The following CBL variants were observed in gnomAD, a reference collection of about 807,000 sequenced individuals.
CBL encodes Cbl proto-oncogene.
CBL carries 45 observed loss-of-function variants against 96.9 expected under a neutral mutation model. That is an observed-to-expected ratio of 0.46 (90% CI 0.37 to 0.60). The LOEUF is 0.60. Ranked by LOEUF, CBL falls within the 20% of genes least tolerant of loss-of-function variation. The probability of loss-of-function intolerance (pLI) is 0.00; values close to 1 mark genes in which losing one functional copy is unlikely to be tolerated. For missense variants in CBL, 1,024 were observed against 1,143.5 expected (o/e 0.90, Z 1.51); for synonymous variants, 420 against 426.8 (o/e 0.98, Z 0.20).
At chr11:119,237,792 T>A (rs1170294274) in intron 2 of CBL, among the ~76,000 whole-genome samples, 2 of 152,216 alleles carry the variant, frequency 1.3e-5, no homozygotes, top group Admixed American at 1.3e-4. Flanking sequence ...TGTAGCTTTG[T>A]ACTAAAGCTT....
At chr11:119,287,484 A>G (rs1321988955) in intron 11 of CBL, among the ~76,000 whole-genome samples, 2 of 152,202 alleles carry the variant, frequency 1.3e-5, no homozygotes, top group Non-Finnish European at 2.9e-5. Context: ...TAGCCTAATT[A>G]GTGAGTGTGG....
intron 1 of CBL, among the ~76,000 whole-genome samples, chr11:119,218,880 G>A (rs1021604668): frequency 2.6e-5 from 4 of 152,154 alleles, no homozygotes; most frequent in Admixed American, 2.6e-4. Flanking sequence ...CATATTCCGA[G>A]GTTACTAAGA....
At chr11:119,214,531 G>A (rs1022898839) in intron 1 of CBL, among the ~76,000 whole-genome samples, 1 of 152,220 alleles carries the variant, frequency 6.6e-6, no homozygotes, top group African/African-American at 2.4e-5. Context: ...TTACAGGTGT[G>A]AGCCACCGTG....
chr11:119,225,066 G>A (rs1949447074), intron 1 of CBL, among the ~76,000 whole-genome samples: 2 of 151,756 alleles, frequency 1.3e-5, no homozygotes, highest in Non-Finnish European at 2.9e-5. Flanking sequence ...GTGTGTGTGT[G>A]TGTGTGTGCG....
intron 1 of CBL, among the ~76,000 whole-genome samples, chr11:119,224,775 C>T (rs1190009928): frequency 1.3e-5 from 2 of 151,264 alleles, no homozygotes; most frequent in African/African-American, 2.4e-5. Flanking sequence ...AAAATATTTA[C>T]GATTCATTAA....
chr11:119,242,908 A>G (rs1206756720), intron 2 of CBL, among the ~76,000 whole-genome samples: 1 of 152,120 alleles, frequency 6.6e-6, no homozygotes, highest in Admixed American at 6.6e-5. Context: ...GTGCAGGGAC[A>G]TGGGTATTGC....
In CBL at chr11:119,297,043, A is replaced by T; in HGVS notation, c.2153+9A>T. 1 of 1,435,516 alleles carries T rather than the reference A, an allele frequency of 7.0e-7. No individual in the cohort carries two copies. Among genetic ancestry groups the T allele is most frequent in the Non-Finnish European group, 9.8e-7 (1 of 1,016,564 alleles). 88.9% of individuals were successfully genotyped at this position (1,435,516 alleles called of 1,614,324 possible). A position where few individuals can be genotyped will look rare whatever the true frequency, so the allele number is the denominator to read the frequency against. ...ACATCCCAGAGTTCACGGTAGGTTC[A>T]CAACAACCCTTTTTGGGCCCTATAC... On this transcript the variant is annotated intron_variant, in intron 13 of 15. Transcript: ENST00000264033.
intron 1 of CBL, among the ~76,000 whole-genome samples, chr11:119,221,788 A>T (rs949303974): frequency 6.6e-6 from 1 of 151,708 alleles, no homozygotes; most frequent in African/African-American, 2.4e-5. Context: ...AAAAAGCTTC[A>T]CTATATATTT....
chr11:119,216,307 C>A (rs1209101360), intron 1 of CBL, among the ~76,000 whole-genome samples: 2 of 152,136 alleles, frequency 1.3e-5, no homozygotes, highest in Non-Finnish European at 2.9e-5. Context: ...GGGATCCTAA[C>A]TCCTGCCCTC....
chr11:119,252,698 A>T (rs570019325), intron 2 of CBL, among the ~76,000 whole-genome samples: 168 of 152,044 alleles, frequency 1.1e-3, no homozygotes, highest in African/African-American at 3.7e-3. Flanking sequence ...TCTACCAAAA[A>T]TACAAACAAA....
At chr11:119,295,628 G>A (rs1006507538) in intron 12 of CBL, among the ~76,000 whole-genome samples, 1 of 152,200 alleles carries the variant, frequency 6.6e-6, no homozygotes, top group East Asian at 1.9e-4. Flanking sequence ...TGAGGAGGCT[G>A]AGTTGGGAGG....
In CBL at chr11:119,223,401, AATTATGTTAT is replaced by A. The variant is rs1199849946; in HGVS notation, c.196-9046_196-9037del. 2.7e-5 allele frequency among the ~76,000 whole-genome samples: 4 copies of A among 147,168 alleles called. No individual in the cohort carries two copies. The Admixed American group carries it at 2.7e-4, about 10-fold the overall frequency. ...TTGTTTTGTTTTATATTTTATTTTG[AATTATGTTAT>A]GTTATGTTATGTTATTATGTTATGT... On this transcript the variant is annotated intron_variant, in intron 1 of 15. Coordinates refer to ENST00000264033, the MANE Select transcript of CBL (RefSeq NM_005188.4).
At chr11:119,251,171 C>T (rs1163436852) in intron 2 of CBL, among the ~76,000 whole-genome samples, 1 of 152,178 alleles carries the variant, frequency 6.6e-6, no homozygotes, top group Non-Finnish European at 1.5e-5. Flanking sequence ...CCCTTACTCC[C>T]TACCTCACTA....
chr11:119,253,665 TTAATAA>T (rs545926429), intron 2 of CBL, among the ~76,000 whole-genome samples: 297 of 146,470 alleles, frequency 2.0e-3, no homozygotes, highest in Non-Finnish European at 3.1e-3. Flanking sequence ...AAACTCTGTC[TTAATAA>T]TAATAATAAT....
chr11:119,267,318 A>G (rs1475810928), intron 2 of CBL, among the ~76,000 whole-genome samples: 1 of 152,152 alleles, frequency 6.6e-6, no homozygotes, highest in South Asian at 2.1e-4. Context: ...GTGCCATTAC[A>G]TCTTTGTGGT....
intron 9 of CBL, among the ~76,000 whole-genome samples, chr11:119,279,187 T>A (rs1462166229): frequency 6.6e-6 from 1 of 151,854 alleles, no homozygotes; most frequent in Non-Finnish European, 1.5e-5. Flanking sequence ...TTTTTTTTTA[T>A]TTTAATGGAG....
intron 9 of CBL, 123 bp from the exon 10 acceptor site, chr11:119,284,846 C>T: frequency 8.4e-7 from 1 of 1,197,364 alleles, no homozygotes; most frequent in Non-Finnish European, 1.2e-6. Context: ...GACCTCAAAC[C>T]TAGGTCTGGC....
chr11:119,307,791 T>C lies in CBL; in HGVS notation c.*8010T>C. On this transcript the variant is annotated 3_prime_UTR_variant, in exon 16 of 16. Coordinates refer to ENST00000264033, the MANE Select transcript of CBL (RefSeq NM_005188.4). ...CTCCAGAATGAAGAGTCCCAATTTG[T>C]ATATCAGTGTTAAGAAGAAAACAAA... The C allele has an allele frequency of 4.6e-6, 1 of 215,578 alleles. No homozygotes were observed. The highest frequency in any genetic ancestry group is 9.4e-6 in the Non-Finnish European group (1 of 106,644). 13.4% of individuals were successfully genotyped at this position (215,578 alleles called of 1,614,324 possible).
At position 119,298,413 on chromosome 11, in the gene CBL, T is replaced by C; in HGVS notation, c.2307T>C (p.Asn769=). ...HANTGPEESE[N]EDDGYDVPKP... is the part of the protein sequence containing the mutation. ...ACACTGGTCCCGAGGAGTCAGAAAA[T>C]GAGGATGATGGGTATGATGTCCCAA... Residue 769 remains asparagine (N), a synonymous_variant, in exon 15 of 16, where the codon AAT becomes AAC. Coordinates refer to ENST00000264033, the MANE Select transcript of CBL (RefSeq NM_005188.4). 6.2e-7 allele frequency: 1 copy of C among 1,613,990 alleles called. No individual in the cohort carries two copies. The highest frequency in any genetic ancestry group is 8.5e-7 in the Non-Finnish European group (1 of 1,179,972).
Sources: allele counts gnomAD v4.1 joint callset (sites outside exome capture counted in the v4.1 genomes callset), GRCh38; gene constraint gnomAD v4.1.1; transcripts MANE v1.5; gene names NCBI Gene and HGNC (gene_info 2026-07-23, HGNC 2026-07-21).